The following RASGRF2 variants were observed in gnomAD, a reference collection of about 807,000 sequenced individuals.
The protein encoded by RASGRF2 is ras-specific guanine nucleotide-releasing factor 2.
A neutral mutation model predicts 151.0 loss-of-function variants in RASGRF2; 76 were observed. The ratio of observed to expected loss-of-function variants is 0.50; its 90% CI spans 0.42 to 0.61. The LOEUF is 0.61. RASGRF2 is among the 20% of genes least tolerant of loss of function. The pLI, the probability that RASGRF2 is intolerant of heterozygous loss-of-function variation, is 0.00. For missense variants in RASGRF2, 1,148 were observed against 1,564.6 expected, an observed-to-expected ratio of 0.73 and a Z score of 4.49; for synonymous variants, 504 against 566.5, an observed-to-expected ratio of 0.89 and a Z score of 1.57.
rs1309172586 is a variant in RASGRF2 at position 81,008,141 on chromosome 5, T to C, written c.289-34736T>C. On this transcript the variant is annotated intron_variant, in intron 1 of 26. Transcript: ENST00000265080. ...TTTTCTTTTTCTTTCTTTCTTTCCT[T>C]TTTTTTTTTTTTTTTTTTTTTTTTT... 8.9e-5 allele frequency among the ~76,000 whole-genome samples: 3 copies of C among 33,730 alleles called. No individual in the cohort carries two copies. In the South Asian group the frequency reaches 3.5e-3, roughly 39 times the overall value. 22.1% of individuals were successfully genotyped at this position (33,730 alleles called of 152,430 possible). A position where few individuals can be genotyped will look rare whatever the true frequency, so the allele number is the denominator to read the frequency against.
At chr5:81,123,586 C>T in intron 15 of RASGRF2, 56 bp from the exon 16 acceptor site, 1 of 1,582,720 alleles carries the variant, frequency 6.3e-7, no homozygotes, top group Non-Finnish European at 8.6e-7. Flanking sequence ...ATGATACTGA[C>T]AAGAAGCTCT....
chr5:81,206,981 C>T (rs553574795), intron 20 of RASGRF2, 76 bp downstream of exon 20: 79 of 1,237,660 alleles, frequency 6.4e-5, no homozygotes, highest in Middle Eastern at 4.0e-4. Flanking sequence ...TGCTTGTAAC[C>T]GATCAAGGAG....
At chr5:80,994,335 C>T (rs1748758084) in intron 1 of RASGRF2, among the ~76,000 whole-genome samples, 1 of 139,350 alleles carries the variant, frequency 7.2e-6, no homozygotes, top group Admixed American at 7.7e-5. Context: ...CACTGCACTC[C>T]AGCCTGGGCG....
chr5:81,208,534 C>CTA (rs1755561416), intron 22 of RASGRF2, 96 bp downstream of exon 22: 1 of 233,326 alleles, frequency 4.3e-6, no homozygotes, highest in East Asian at 1.5e-4. Flanking sequence ...CTGTCACCCA[C>CTA]TTTTTTTTTT....
At chr5:81,216,026 A>G in intron 24 of RASGRF2, 71 bp downstream of exon 24, 1 of 1,286,748 alleles carries the variant, frequency 7.8e-7, no homozygotes, top group Non-Finnish European at 1.0e-6. Flanking sequence ...TAGTATACAA[A>G]CAGTGACCTA....
intron 17 of RASGRF2, among the ~76,000 whole-genome samples, chr5:81,177,949 G>C (rs1754812968): frequency 1.3e-5 from 2 of 152,208 alleles, no homozygotes. Context: ...AGAGGAGCTA[G>C]GGCTAAACCA....
intron 2 of RASGRF2, among the ~76,000 whole-genome samples, chr5:81,051,455 A>C (rs774121219): frequency 1.3e-5 from 2 of 152,202 alleles, no homozygotes; most frequent in Non-Finnish European, 2.9e-5. Context: ...ACCACAAAAG[A>C]AACCCCATAT....
intron 13 of RASGRF2, among the ~76,000 whole-genome samples, chr5:81,112,173 C>A (rs1323139564): frequency 6.6e-6 from 1 of 152,158 alleles, no homozygotes; most frequent in Admixed American, 6.5e-5. Context: ...TAGACATACA[C>A]AATCAGCCCT....
chr5:81,043,844 A>G (rs2112396763), intron 2 of RASGRF2, among the ~76,000 whole-genome samples: 1 of 151,864 alleles, frequency 6.6e-6, no homozygotes, highest in South Asian at 2.1e-4. Context: ...TCCTCCCTCT[A>G]CCACTCCCGC....
intron 24 of RASGRF2, 124 bp from the exon 25 acceptor site, chr5:81,217,232 G>T: frequency 7.2e-7 from 1 of 1,396,870 alleles, no homozygotes; most frequent in South Asian, 1.6e-5. Flanking sequence ...TTCTGAAACT[G>T]AAATAAAAAG....
intron 26 of RASGRF2, chr5:81,223,322 G>A (rs769176417): frequency 1.3e-5 from 2 of 152,144 alleles, no homozygotes; most frequent in Non-Finnish European, 2.9e-5. Context: ...TACCAGTTAT[G>A]GCCACATCCT....
At chr5:81,186,709 G>C (rs541006620) in intron 18 of RASGRF2, among the ~76,000 whole-genome samples, 131 of 152,250 alleles carry the variant, frequency 8.6e-4, no homozygotes, top group Non-Finnish European at 1.0e-3. Context: ...CCACACTCTA[G>C]TCACTCATAG....
intron 19 of RASGRF2, among the ~76,000 whole-genome samples, chr5:81,202,624 C>T (rs9968730): frequency 0.18 from 27,814 of 152,172 alleles, 2,708 homozygotes; most frequent in Middle Eastern, 0.25. Context: ...CCTCCCATAC[C>T]TCAAAATGGA....
intron 17 of RASGRF2, among the ~76,000 whole-genome samples, chr5:81,134,629 A>C (rs1191940547): frequency 6.6e-6 from 1 of 152,198 alleles, no homozygotes; most frequent in African/African-American, 2.4e-5. Context: ...ATACATACTA[A>C]AGTTTGAGAA....
chr5:81,143,847 G>A (rs1241427774), intron 17 of RASGRF2, among the ~76,000 whole-genome samples: 1 of 150,680 alleles, frequency 6.6e-6, no homozygotes, highest in East Asian at 2.0e-4. Context: ...CTGAGATAGT[G>A]CCACTGTATT....
rs560612233 is a variant in RASGRF2 at position 81,015,508 on chromosome 5, A to G, written c.289-27369A>G. Among the ~76,000 whole-genome samples the G allele has an allele frequency of 1.4e-4, 22 of 152,314 alleles. 1 individual carries two copies. In the South Asian group the frequency reaches 3.9e-3, roughly 27 times the overall value. On this transcript the variant is annotated intron_variant, in intron 1 of 26. Transcript: ENST00000265080. ...TGTCTTAATGTACATTTCTTTGATTATCAGTGATTTTTTTTCACATTTTCT... is the reference window on the plus strand; with the variant it reads ...TGTCTTAATGTACATTTCTTTGATTGTCAGTGATTTTTTTTCACATTTTCT...
chr5:81,215,909 GT>G lies in RASGRF2; in HGVS notation c.3391del (p.Ser1131ProfsTer28). 2 of 1,549,762 alleles carry G rather than the reference GT, an allele frequency of 1.3e-6. No homozygotes were observed. Among genetic ancestry groups the G allele is most frequent in the Non-Finnish European group, 1.7e-6 (2 of 1,156,756 alleles). The stretch of plus-strand genomic sequence containing the variant: ...TCTAATGGACAAACTTCAAAAGACT[GT>G]TTCCTCTGAAGGAAGATTTAAAAAT... ...KALMDKLQKT[V>X]SSEGRFKNLR... On this transcript the variant is annotated frameshift_variant, in exon 24 of 27. Coordinates refer to ENST00000265080, the MANE Select transcript of RASGRF2 (RefSeq NM_006909.3). LOFTEE classifies it high-confidence loss of function.
intron 17 of RASGRF2, among the ~76,000 whole-genome samples, chr5:81,142,746 A>C (rs2112603979): frequency 6.6e-6 from 1 of 152,286 alleles, no homozygotes; most frequent in Middle Eastern, 3.4e-3. Context: ...CTGTTGAAAA[A>C]ATTATTAAGA....
intron 1 of RASGRF2, among the ~76,000 whole-genome samples, chr5:80,983,801 T>C (rs577275922): frequency 6.6e-6 from 1 of 152,240 alleles, no homozygotes; most frequent in Non-Finnish European, 1.5e-5. Flanking sequence ...AATTTTTTAT[T>C]TGATTACATG....
Sources: allele counts gnomAD v4.1 joint callset (sites outside exome capture counted in the v4.1 genomes callset), GRCh38; gene constraint gnomAD v4.1.1; transcripts MANE v1.5; gene names NCBI Gene and HGNC (gene_info 2026-07-23, HGNC 2026-07-21).